TECRL: variants seen among roughly 807,000 people sequenced by gnomAD.
TECRL encodes the protein trans-2,3-enoyl-CoA reductase-like.
TECRL carries 63 observed loss-of-function variants against 52.8 expected under a neutral mutation model. That is an observed-to-expected ratio of 1.19 (90% CI 0.97 to 1.47). The LOEUF (loss-of-function observed/expected upper bound fraction) is 1.47, where lower values mean the gene tolerates loss of function less well. Ranked by LOEUF, TECRL falls within the 40% of genes most tolerant of loss-of-function variation. The pLI is 0.00. For synonymous variants in TECRL, 164 were observed against 141.9 expected (o/e 1.16, Z -1.10); for missense variants, 482 against 429.6 (o/e 1.12, Z -1.08).
At chr4:64,284,178 C>T (rs941933058) in intron 9 of TECRL, among the ~76,000 whole-genome samples, 2 of 151,860 alleles carry the variant, frequency 1.3e-5, no homozygotes, top group African/African-American at 4.8e-5. Flanking sequence ...AGTAAATATC[C>T]CTCTAAGATT....
At chr4:64,292,724 T>G (rs1250436252) in intron 8 of TECRL, among the ~76,000 whole-genome samples, 1 of 151,998 alleles carries the variant, frequency 6.6e-6, no homozygotes, top group Non-Finnish European at 1.5e-5. Flanking sequence ...CTGCTTCTGT[T>G]GTCAAGAACA....
In TECRL at chr4:64,279,729, G is replaced by T; in HGVS notation, c.*343C>A. 1.1e-6 allele frequency: 1 copy of T among 922,384 alleles called. No homozygotes were observed. Among genetic ancestry groups the T allele is most frequent in the Non-Finnish European group, 1.3e-6 (1 of 781,870 alleles). The allele number at this position is 922,384 out of a possible 1,614,324, so 57.1% of individuals were successfully genotyped here. Reference sequence around the variant, plus strand: ...TCTTCCTTTGGGAAATGTCTGTTCAGATCGCTTTTTCATTTGTTAATCAGA... The same window carrying T: ...TCTTCCTTTGGGAAATGTCTGTTCATATCGCTTTTTCATTTGTTAATCAGA... On this transcript the variant is annotated 3_prime_UTR_variant, in exon 12 of 12. Coordinates refer to ENST00000381210, the MANE Select transcript of TECRL (RefSeq NM_001010874.5).
Position 64,283,956 on chromosome 4 carries a change from C to G in TECRL, c.833-2397G>C, listed in dbSNP as rs576920625. ...CTAGCCACTACAACTAGGGTTATAT[C>G]ACAATATAAACTACCTGAGGCTGTT... On this transcript the variant is annotated intron_variant, in intron 9 of 11. Coordinates refer to ENST00000381210, the MANE Select transcript of TECRL (RefSeq NM_001010874.5). 3.9e-5 allele frequency among the ~76,000 whole-genome samples: 6 copies of G among 152,068 alleles called. No homozygotes were observed. The South Asian group carries it at 8.3e-4, about 21-fold the overall frequency.
chr4:64,361,400 C>T (rs1577935303), intron 2 of TECRL, among the ~76,000 whole-genome samples: 1 of 152,130 alleles, frequency 6.6e-6, no homozygotes, highest in Non-Finnish European at 1.5e-5. Context: ...TCTGCCGCCA[C>T]CTATCCAAAT....
At chr4:64,363,799 A>C (rs550763237) in intron 2 of TECRL, among the ~76,000 whole-genome samples, 1 of 152,170 alleles carries the variant, frequency 6.6e-6, no homozygotes, top group Non-Finnish European at 1.5e-5. Flanking sequence ...CAGATATTTA[A>C]GAATGTTAGC....
At chr4:64,336,377 A>C (rs1175179319) in intron 2 of TECRL, among the ~76,000 whole-genome samples, 1 of 151,836 alleles carries the variant, frequency 6.6e-6, no homozygotes, top group Non-Finnish European at 1.5e-5. Flanking sequence ...ATCATTTTTT[A>C]TTGCATCTAT....
In TECRL at chr4:64,409,114, T is replaced by A. The variant is rs1468552948; in HGVS notation, c.234+4A>T. ...CAAACAAATAAATAAATAAATAAACTCACCTTATCCAGAATACATATCTGT... is the reference window on the plus strand; with the variant it reads ...CAAACAAATAAATAAATAAATAAACACACCTTATCCAGAATACATATCTGT... On this transcript the variant is annotated splice_donor_region_variant and intron_variant, in intron 1 of 11. Transcript: ENST00000381210. 6.3e-7 allele frequency: 1 copy of A among 1,589,634 alleles called. No homozygotes were observed. Among genetic ancestry groups the A allele is most frequent in the Non-Finnish European group, 8.6e-7 (1 of 1,167,730 alleles).
At chr4:64,322,817 T>C (rs766321784) in intron 3 of TECRL, 25 bp from the exon 4 acceptor site, 1 of 1,512,588 alleles carries the variant, frequency 6.6e-7, no homozygotes, top group Admixed American at 1.9e-5. Flanking sequence ...ACAAGAAAAT[T>C]TTATTTTAAT....
chr4:64,279,754 AT>A lies in TECRL; in HGVS notation c.*317del, dbSNP rs11303004. The stretch of plus-strand genomic sequence containing the variant: ...GATCGCTTTTTCATTTGTTAATCAG[AT>A]TTTTTTTTTTGCTGTGGTATTTTGT... On this transcript the variant is annotated 3_prime_UTR_variant, in exon 12 of 12. Transcript: ENST00000381210. 0.94 allele frequency: 806,950 copies of A among 857,862 alleles called. 378,412 individuals carry two copies. Among genetic ancestry groups the A allele is most frequent in the East Asian group, 0.98 (8,265 of 8,424 alleles). 53.1% of individuals were successfully genotyped at this position (857,862 alleles called of 1,614,324 possible).
At chr4:64,282,378 A>C (rs999792131) in intron 9 of TECRL, among the ~76,000 whole-genome samples, 5 of 152,088 alleles carry the variant, frequency 3.3e-5, no homozygotes, top group African/African-American at 1.2e-4. Context: ...TATAACTCTG[A>C]AGTCATAATA....
intron 1 of TECRL, among the ~76,000 whole-genome samples, chr4:64,380,440 G>A (rs1339671443): frequency 6.6e-6 from 1 of 151,824 alleles, no homozygotes; most frequent in Non-Finnish European, 1.5e-5. Flanking sequence ...TTTTGTTTTT[G>A]CTACCTATAC....
At chr4:64,360,111 G>A (rs768946827) in intron 2 of TECRL, among the ~76,000 whole-genome samples, 2 of 152,092 alleles carry the variant, frequency 1.3e-5, no homozygotes, top group South Asian at 4.1e-4. Flanking sequence ...TGATTTATTC[G>A]TACAGTTTTT....
chr4:64,364,856 A>G (rs940924927), intron 2 of TECRL, among the ~76,000 whole-genome samples: 35 of 38,024 alleles, frequency 9.2e-4, no homozygotes, highest in Non-Finnish European at 2.4e-3. Flanking sequence ...GTGCTACTAA[A>G]ACTATTTTTT....
chr4:64,300,138 A>G (rs1256040139), intron 7 of TECRL, 121 bp from the exon 8 acceptor site: 1 of 568,062 alleles, frequency 1.8e-6, no homozygotes, highest in East Asian at 3.3e-5. Context: ...ACTGTCTAGT[A>G]TGTAATTCAC....
intron 2 of TECRL, among the ~76,000 whole-genome samples, chr4:64,364,002 G>A (rs1282442166): frequency 2.0e-5 from 3 of 151,926 alleles, no homozygotes; most frequent in East Asian, 1.9e-4. Flanking sequence ...GATCAACCAC[G>A]TACTTGGCCA....
rs141364603 is a variant in TECRL, at chr4:64,388,553, C to A, written c.235-13330G>T. ...ACTTTAGAAACAGTTTGCTAATATG[C>A]ACAAAATAACTTGCTGGGATTTTAG... On this transcript the variant is annotated intron_variant, in intron 1 of 11. Coordinates refer to ENST00000381210, the MANE Select transcript of TECRL (RefSeq NM_001010874.5). Among the ~76,000 whole-genome samples, 27 of 151,948 alleles carry A rather than the reference C, an allele frequency of 1.8e-4. No individual in the cohort carries two copies. The East Asian group carries it at 4.6e-3, about 26-fold the overall frequency.
intron 2 of TECRL, among the ~76,000 whole-genome samples, chr4:64,369,092 A>T (rs1721813701): frequency 1.3e-5 from 2 of 152,156 alleles, no homozygotes; most frequent in Non-Finnish European, 2.9e-5. Context: ...AAAACTTTGT[A>T]TGGTGTTTTC....
At chr4:64,376,425 A>G (rs976266979) in intron 1 of TECRL, among the ~76,000 whole-genome samples, 1 of 151,974 alleles carries the variant, frequency 6.6e-6, no homozygotes. Context: ...CTTCTCTGAA[A>G]GATGTTAGAA....
intron 1 of TECRL, among the ~76,000 whole-genome samples, chr4:64,395,456 T>C (rs1438367584): frequency 6.6e-6 from 1 of 152,116 alleles, no homozygotes; most frequent in African/African-American, 2.4e-5. Context: ...ACGATCACAA[T>C]GTGTTATATT....
Sources: gnomAD v4.1 joint callset for allele counts (sites outside exome capture counted in the v4.1 genomes callset) on GRCh38, gnomAD v4.1.1 for gene constraint, MANE v1.5 for transcripts, NCBI Gene and HGNC (gene_info 2026-07-23, HGNC 2026-07-21) for gene names.